ZFAT: variants seen among roughly 807,000 people sequenced by gnomAD.
ZFAT encodes zinc finger protein ZFAT.
In ZFAT, 64 loss-of-function variants were observed where a neutral mutation model predicts 117.7. That is an observed-to-expected ratio of 0.54 (90% CI 0.44 to 0.67). The LOEUF (loss-of-function observed/expected upper bound fraction) is 0.67. Ranked by LOEUF, ZFAT falls within the 30% of genes least tolerant of loss-of-function variation. The pLI, the probability that ZFAT is intolerant of heterozygous loss-of-function variation, is 0.00. For synonymous variants in ZFAT, 679 were observed against 615.0 expected (o/e 1.10, Z -1.54); for missense variants, 1,433 against 1,584.5 (o/e 0.90, Z 1.62).
chr8:134,690,534 G>A (rs1004864296), intron 1 of ZFAT, among the ~76,000 whole-genome samples: 2 of 152,084 alleles, frequency 1.3e-5, no homozygotes, highest in African/African-American at 2.4e-5. Context: ...GTTATATTGG[G>A]CTCAGTTATA....
chr8:134,830,272 A>G, the ZFAT span, among the ~76,000 whole-genome samples: 1 of 152,262 alleles, frequency 6.6e-6, no homozygotes, highest in African/African-American at 2.4e-5. Context: ...ACAGGACTGT[A>G]TACAGACATA....
At chr8:134,714,116 C>G (rs546704679), upstream of ZFAT, among the ~76,000 whole-genome samples, 1 of 141,790 alleles carries the variant, frequency 7.1e-6, no homozygotes, top group Non-Finnish European at 1.5e-5. Flanking sequence ...TGCCCCCCCC[C>G]CCCCAAAAAA....
the ZFAT span, among the ~76,000 whole-genome samples, chr8:134,832,314 G>A: frequency 6.6e-6 from 1 of 151,782 alleles, no homozygotes; most frequent in South Asian, 2.1e-4. Context: ...GAGAGCGGCT[G>A]TGCGCGCGCG....
intron 11 of ZFAT, among the ~76,000 whole-genome samples, chr8:134,541,926 T>G (rs1170415098): frequency 6.6e-6 from 1 of 152,234 alleles, no homozygotes; most frequent in Non-Finnish European, 1.5e-5. Context: ...GGCATTCCAC[T>G]AAATCCTTTT....
chr8:134,514,764 C>T (rs1162487933), intron 13 of ZFAT, among the ~76,000 whole-genome samples: 1 of 152,196 alleles, frequency 6.6e-6, no homozygotes, highest in Non-Finnish European at 1.5e-5. Flanking sequence ...TAATAAACCT[C>T]CATGTGTCCA....
At chr8:134,710,632 T>C (rs1026566211) in intron 1 of ZFAT, among the ~76,000 whole-genome samples, 2 of 152,226 alleles carry the variant, frequency 1.3e-5, no homozygotes, top group Middle Eastern at 3.2e-3. Flanking sequence ...TTTTGGAATA[T>C]TTGCATATAC....
chr8:134,708,786 C>T (rs1813878844), intron 1 of ZFAT, among the ~76,000 whole-genome samples: 1 of 152,074 alleles, frequency 6.6e-6, no homozygotes, highest in Non-Finnish European at 1.5e-5. Context: ...AACCCCACCT[C>T]TACTAAAAGT....
At chr8:134,730,924 G>T in the ZFAT span, among the ~76,000 whole-genome samples, 1 of 152,246 alleles carries the variant, frequency 6.6e-6, no homozygotes, top group African/African-American at 2.4e-5. Flanking sequence ...GCTACTATAT[G>T]AAGAAAAGCT....
intron 10 of ZFAT, among the ~76,000 whole-genome samples, chr8:134,575,112 C>T (rs757220894): frequency 6.6e-6 from 1 of 152,172 alleles, no homozygotes; most frequent in Non-Finnish European, 1.5e-5. Flanking sequence ...GAGCTGACAT[C>T]CATAGTATGA....
chr8:134,729,723 G>A, the ZFAT span, among the ~76,000 whole-genome samples: 1 of 152,232 alleles, frequency 6.6e-6, no homozygotes, highest in South Asian at 2.1e-4. Context: ...CAATGCCTCT[G>A]AAGCTTGACT....
At chr8:134,708,405 C>T (rs1377071846) in intron 1 of ZFAT, among the ~76,000 whole-genome samples, 3 of 151,856 alleles carry the variant, frequency 2.0e-5, no homozygotes, top group Admixed American at 2.0e-4. Context: ...ACATTATACT[C>T]ATAAATCATA....
intron 9 of ZFAT, among the ~76,000 whole-genome samples, chr8:134,587,341 T>TG (rs1826138004): frequency 2.6e-5 from 4 of 152,220 alleles, no homozygotes; most frequent in Admixed American, 2.0e-4. Flanking sequence ...CAACTCCTTC[T>TG]GCCTTCTCCG....
intron 10 of ZFAT, among the ~76,000 whole-genome samples, chr8:134,581,415 T>C (rs911688802): frequency 6.6e-6 from 1 of 152,162 alleles, no homozygotes; most frequent in African/African-American, 2.4e-5. Context: ...CCTTTCTTCC[T>C]AGAATCAGAG....
intron 8 of ZFAT, among the ~76,000 whole-genome samples, chr8:134,588,954 T>G (rs1255999289): frequency 6.6e-6 from 1 of 152,206 alleles, no homozygotes; most frequent in Non-Finnish European, 1.5e-5. Context: ...TTAAACGTTT[T>G]TATGGAGGAA....
chr8:134,653,419 G>GTTTTTTTTTTTTTT, intron 2 of ZFAT, among the ~76,000 whole-genome samples: 1 of 51,338 alleles, frequency 1.9e-5, no homozygotes, highest in Non-Finnish European at 3.3e-5. Flanking sequence ...CGTTTTATCT[G>GTTTTTTTTTTTTTT]TTTTTTTTTT....
intron 14 of ZFAT, chr8:134,510,201 G>A: frequency 2.2e-6 from 1 of 453,146 alleles, no homozygotes; most frequent in Non-Finnish European, 4.5e-6. Flanking sequence ...AACATCCAAA[G>A]ATGTATCAAT....
intron 15 of ZFAT, among the ~76,000 whole-genome samples, chr8:134,494,648 T>C (rs1415429682): frequency 6.6e-6 from 1 of 152,174 alleles, no homozygotes; most frequent in Non-Finnish European, 1.5e-5. Context: ...CCAGGTCGTA[T>C]TCCTCCCTGG....
chr8:134,509,876 C>T (rs1819686744), intron 14 of ZFAT, 127 bp from the exon 15 acceptor site: 8 of 1,227,468 alleles, frequency 6.5e-6, no homozygotes, highest in Middle Eastern at 4.7e-4. Flanking sequence ...TCTCCGTAAT[C>T]GCTCAGTTTG....
the ZFAT span, among the ~76,000 whole-genome samples, chr8:134,768,619 A>G: frequency 6.6e-6 from 1 of 152,196 alleles, no homozygotes; most frequent in African/African-American, 2.4e-5. Flanking sequence ...CTCCCTTTTT[A>G]AAACCATCAG....
Sources: gnomAD v4.1 joint callset for allele counts (sites outside exome capture counted in the v4.1 genomes callset) on GRCh38, gnomAD v4.1.1 for gene constraint, MANE v1.5 for transcripts, NCBI Gene and HGNC (gene_info 2026-07-23, HGNC 2026-07-21) for gene names.